Variants in ALDH1A1 observed in about 807,000 individuals in gnomAD.
ALDH1A1 encodes aldehyde dehydrogenase 1 family member A1, also known as aldehyde dehydrogenase 1A1.
A neutral mutation model predicts 62.1 loss-of-function variants in ALDH1A1; 19 were observed. The observed-to-expected ratio is 0.31, with a 90% confidence interval of 0.21 to 0.45. ALDH1A1 has a LOEUF of 0.45. Ranked by LOEUF, ALDH1A1 falls within the 20% of genes least tolerant of loss-of-function variation. The pLI, the probability that ALDH1A1 is intolerant of heterozygous loss-of-function variation, is 1.00. For missense variants in ALDH1A1, 521 were observed against 607.1 expected (o/e 0.86, Z 1.49); for synonymous variants, 231 against 215.9 (o/e 1.07, Z -0.61).
intron 2 of ALDH1A1, among the ~76,000 whole-genome samples, chr9:72,933,779 A>T (rs531502829): frequency 1.3e-5 from 2 of 152,252 alleles, no homozygotes; most frequent in Non-Finnish European, 2.9e-5. Flanking sequence ...TTAAATTTTA[A>T]TATAACTCTC....
chr9:72,940,242 T>C lies in ALDH1A1; in HGVS notation c.77A>G (p.Asn26Ser). The change falls in exon 2 of 13, where the codon AAC becomes AGC. Residue 26 changes from asparagine (N) to serine (S), a missense_variant. Physicochemically the swap from Asn to Ser is conservative, Grantham distance 46. Coordinates refer to ENST00000297785, the MANE Select transcript of ALDH1A1 (RefSeq NM_000689.5). ...ACTCACTGAATCATGCCATTCATTG[T>C]TTATGAAGATCTGTAGAGATGAAGA... ...LKIQYTKIFI[N>S]NEWHDSVSGK... is the part of the protein sequence containing the mutation. The C allele has an allele frequency of 1.2e-6, 2 of 1,612,354 alleles. No individual in the cohort carries two copies. The highest frequency in any genetic ancestry group is 1.7e-6 in the Non-Finnish European group (2 of 1,178,686).
chr9:72,931,050 G>T (rs761241932), intron 2 of ALDH1A1, 31 bp from the exon 3 acceptor site: 1 of 1,613,412 alleles, frequency 6.2e-7, no homozygotes, highest in East Asian at 2.2e-5. Context: ...AATTCAGTAA[G>T]CTAAACATAT....
intron 1 of ALDH1A1, among the ~76,000 whole-genome samples, chr9:72,942,732 G>GT (rs991443984): frequency 2.6e-5 from 4 of 151,986 alleles, no homozygotes; most frequent in Non-Finnish European, 5.9e-5. Context: ...ACACCATGCT[G>GT]TTTTTTGCAG....
chr9:72,951,019 A>G (rs1266792279), intron 1 of ALDH1A1, among the ~76,000 whole-genome samples: 1 of 151,950 alleles, frequency 6.6e-6, no homozygotes, highest in East Asian at 1.9e-4. Context: ...GCTGTAACCA[A>G]TAAATTAAAC....
chr9:72,926,039 A>G (rs984920383), intron 5 of ALDH1A1, among the ~76,000 whole-genome samples: 2 of 152,226 alleles, frequency 1.3e-5, no homozygotes, highest in African/African-American at 4.8e-5. Flanking sequence ...ATACCTTGCT[A>G]AAGACAAAGA....
intron 1 of ALDH1A1, among the ~76,000 whole-genome samples, chr9:72,950,314 A>G (rs989905341): frequency 6.6e-6 from 1 of 151,920 alleles, no homozygotes; most frequent in Non-Finnish European, 1.5e-5. Flanking sequence ...CATAACTTTC[A>G]AAGAATCTCT....
intron 2 of ALDH1A1, among the ~76,000 whole-genome samples, chr9:72,935,536 G>A (rs1206521991): frequency 6.6e-6 from 1 of 152,172 alleles, no homozygotes; most frequent in African/African-American, 2.4e-5. Flanking sequence ...TTTTACACAT[G>A]TCAAAGGCAC....
At chr9:72,904,238 G>A (rs990958474) in intron 12 of ALDH1A1, among the ~76,000 whole-genome samples, 2 of 152,188 alleles carry the variant, frequency 1.3e-5, no homozygotes, top group South Asian at 4.1e-4. Context: ...GCTACGCCAT[G>A]CATTTTTGAT....
intron 11 of ALDH1A1, 129 bp downstream of exon 11, chr9:72,909,473 A>C (rs568101232): frequency 1.1e-6 from 1 of 927,336 alleles, no homozygotes; most frequent in African/African-American, 1.7e-5. Flanking sequence ...TTTGTTTTTC[A>C]AGGCAGCAAC....
intron 12 of ALDH1A1, among the ~76,000 whole-genome samples, chr9:72,905,107 A>G (rs2118475432): frequency 6.6e-6 from 1 of 152,276 alleles, no homozygotes; most frequent in African/African-American, 2.4e-5. Context: ...GCACATTTTC[A>G]CTTCCTAATT....
chr9:72,921,949 G>C (rs917141368), intron 7 of ALDH1A1, among the ~76,000 whole-genome samples: 1 of 152,060 alleles, frequency 6.6e-6, no homozygotes, highest in Non-Finnish European at 1.5e-5. Context: ...GAACGTGTGG[G>C]AGCAAGTTTA....
intron 7 of ALDH1A1, 46 bp from the exon 8 acceptor site, chr9:72,918,868 A>T: frequency 7.2e-7 from 1 of 1,396,250 alleles, no homozygotes; most frequent in Non-Finnish European, 1.0e-6. Context: ...TGCTCTCATG[A>T]ACACAGGTTG....
At chr9:72,942,387 ATC>A in intron 1 of ALDH1A1, 1 of 984,838 alleles carries the variant, frequency 1.0e-6, no homozygotes, top group Non-Finnish European at 1.2e-6. Context: ...CCCCAGCCCT[ATC>A]TCTCACACAC....
chr9:72,925,443 T>C (rs2118532362), intron 6 of ALDH1A1, 41 bp downstream of exon 6: 1 of 1,604,056 alleles, frequency 6.2e-7, no homozygotes, highest in South Asian at 1.1e-5. Flanking sequence ...TAATTTAGGA[T>C]TCTTGAGTTC....
intron 2 of ALDH1A1, among the ~76,000 whole-genome samples, chr9:72,934,083 A>G (rs73488117): frequency 0.031 from 4,689 of 152,230 alleles, 123 homozygotes; most frequent in Middle Eastern, 0.075. Context: ...GGCATGAGCC[A>G]CCGTCTGCCT....
intron 1 of ALDH1A1, among the ~76,000 whole-genome samples, chr9:72,942,838 G>T (rs1379507155): frequency 6.6e-6 from 1 of 152,058 alleles, no homozygotes; most frequent in African/African-American, 2.4e-5. Flanking sequence ...TCCTCATGAA[G>T]ATTTGACTAG....
At position 72,909,764 on chromosome 9, in the gene ALDH1A1, A is replaced by C; in HGVS notation, c.1201-5T>G. 1 of 1,595,458 alleles carries C rather than the reference A, an allele frequency of 6.3e-7. No homozygotes were observed. ...TTGCTGCACTGGTCCAAAAATCTAT[A>C]CCACAAGAAATAAATAAGTAAAAAT... On this transcript the variant is annotated splice_region_variant and splice_polypyrimidine_tract_variant and intron_variant, in intron 10 of 12. Transcript: ENST00000297785.
intron 7 of ALDH1A1, among the ~76,000 whole-genome samples, chr9:72,919,954 G>C (rs1202425505): frequency 2.0e-5 from 3 of 152,100 alleles, no homozygotes; most frequent in African/African-American, 7.2e-5. Flanking sequence ...TAAAAACTTG[G>C]CTGGTTCTAC....
rs1392986847 is a variant in ALDH1A1, at chr9:72,928,903, G to T, written c.431C>A (p.Thr144Lys). 6.2e-7 allele frequency: 1 copy of T among 1,613,670 alleles called. No individual in the cohort carries two copies. Among genetic ancestry groups the T allele is most frequent in the African/African-American group, 1.3e-5 (1 of 74,886 alleles). ...TCAAAGATACTTACCAATTGGTATT[G>T]TACGGCCCTGGATCTTGTCAGCCCA... Reference protein sequence around the residue: ...AGWADKIQGRTIPIDGNFFTY... With the variant: ...AGWADKIQGRKIPIDGNFFTY... Residue 144 changes from threonine (T) to lysine (K), a missense_variant, in exon 4 of 13, where the codon ACA (threonine) becomes AAA (lysine). Physicochemically the swap from Thr to Lys is moderately conservative, Grantham distance 78. Coordinates refer to ENST00000297785, the MANE Select transcript of ALDH1A1 (RefSeq NM_000689.5).
Sources: gnomAD v4.1 joint callset for allele counts (sites outside exome capture counted in the v4.1 genomes callset) on GRCh38, gnomAD v4.1.1 for gene constraint, MANE v1.5 for transcripts, NCBI Gene and HGNC (gene_info 2026-07-23, HGNC 2026-07-21) for gene names.